AFG1L: variants seen among roughly 807,000 people sequenced by gnomAD.
The protein encoded by AFG1L is AFG1-like ATPase.
AFG1L carries 53 observed loss-of-function variants against 62.2 expected under a neutral mutation model. The ratio of observed to expected loss-of-function variants is 0.85; its 90% CI spans 0.68 to 1.07. The LOEUF is 1.07. AFG1L is among the 50% of genes least tolerant of loss of function. The pLI is 0.00. For missense variants in AFG1L, 555 were observed against 590.5 expected, an observed-to-expected ratio of 0.94 and a Z score of 0.62; for synonymous variants, 228 against 210.3, an observed-to-expected ratio of 1.08 and a Z score of -0.73.
At chr6:108,415,752 C>T (rs1486877390) in intron 7 of AFG1L, among the ~76,000 whole-genome samples, 1 of 152,152 alleles carries the variant, frequency 6.6e-6, no homozygotes, top group Non-Finnish European at 1.5e-5. Flanking sequence ...CTTCCTTACA[C>T]CTTATACAAC....
At chr6:108,339,873 G>A (rs1013914563) in intron 2 of AFG1L, among the ~76,000 whole-genome samples, 7 of 151,996 alleles carry the variant, frequency 4.6e-5, no homozygotes, top group African/African-American at 9.7e-5. Flanking sequence ...TGGGATATCC[G>A]GCCTCTCAAA....
At chr6:108,378,997 C>G (rs1582473908) in intron 6 of AFG1L, among the ~76,000 whole-genome samples, 2 of 138,858 alleles carry the variant, frequency 1.4e-5, no homozygotes, top group African/African-American at 5.6e-5. Flanking sequence ...CCTTCTCCTT[C>G]TTCTTTTTTT....
intron 6 of AFG1L, among the ~76,000 whole-genome samples, chr6:108,399,437 C>T (rs574565833): frequency 2.0e-4 from 30 of 151,956 alleles, no homozygotes; most frequent in Non-Finnish European, 3.7e-4. Context: ...CTGCCTGCCT[C>T]GACCTCCCAA....
chr6:108,476,765 CTT>C (rs533673486), intron 8 of AFG1L, 98 bp from the exon 9 acceptor site: 4 of 745,846 alleles, frequency 5.4e-6, no homozygotes, highest in South Asian at 5.0e-5. Context: ...ACATCCTGTT[CTT>C]TTTTTTTATG....
chr6:108,495,733 T>C (rs1773951433), intron 10 of AFG1L, among the ~76,000 whole-genome samples: 1 of 152,228 alleles, frequency 6.6e-6, no homozygotes, highest in Non-Finnish European at 1.5e-5. Context: ...AAATACTCTT[T>C]GCAAAGTCAT....
At chr6:108,427,796 A>G (rs575880309) in intron 7 of AFG1L, among the ~76,000 whole-genome samples, 120 of 152,298 alleles carry the variant, frequency 7.9e-4, no homozygotes, top group African/African-American at 2.9e-3. Flanking sequence ...TGCTGGGATT[A>G]CAGGCGTGAG....
intron 10 of AFG1L, among the ~76,000 whole-genome samples, chr6:108,487,391 G>T (rs893818338): frequency 1.3e-5 from 2 of 152,310 alleles, no homozygotes; most frequent in Admixed American, 6.5e-5. Context: ...ACCAAAAAAA[G>T]ATACTATTTT....
chr6:108,300,152 G>A (rs1776925369), intron 1 of AFG1L, among the ~76,000 whole-genome samples: 2 of 146,042 alleles, frequency 1.4e-5, no homozygotes, highest in Admixed American at 1.3e-4. Context: ...TCCCTATTAG[G>A]GTTTTTTTTT....
chr6:108,394,732 G>A (rs1370137346), intron 6 of AFG1L, among the ~76,000 whole-genome samples: 1 of 152,108 alleles, frequency 6.6e-6, no homozygotes, highest in East Asian at 1.9e-4. Flanking sequence ...CCTGATGATG[G>A]ATATTTAGAT....
intron 6 of AFG1L, among the ~76,000 whole-genome samples, chr6:108,382,557 AC>A (rs1780595325): frequency 6.6e-6 from 1 of 152,202 alleles, no homozygotes; most frequent in Non-Finnish European, 1.5e-5. Flanking sequence ...TTAAAGGCCG[AC>A]AAAGCATTTG....
chr6:108,351,293 T>C (rs1328111283), intron 3 of AFG1L, among the ~76,000 whole-genome samples: 6 of 152,242 alleles, frequency 3.9e-5, no homozygotes, highest in Admixed American at 1.3e-4. Flanking sequence ...CACTAAGTGA[T>C]AGAAGTTTTT....
At chr6:108,299,332 G>A (rs1776892360) in intron 1 of AFG1L, among the ~76,000 whole-genome samples, 1 of 151,894 alleles carries the variant, frequency 6.6e-6, no homozygotes, top group Admixed American at 6.6e-5. Flanking sequence ...AGGGAGGAGT[G>A]AAGGTAAATT....
At chr6:108,454,839 G>C (rs1455132720) in intron 8 of AFG1L, among the ~76,000 whole-genome samples, 2 of 152,082 alleles carry the variant, frequency 1.3e-5, no homozygotes, top group East Asian at 3.9e-4. Context: ...TTTTAGTAGA[G>C]CTGGGGTTTC....
intron 1 of AFG1L, among the ~76,000 whole-genome samples, chr6:108,297,936 A>T (rs997084029): frequency 1.3e-5 from 2 of 151,682 alleles, no homozygotes; most frequent in East Asian, 3.9e-4. Flanking sequence ...CTTGAGAGGC[A>T]TATGGAATTA....
chr6:108,483,555 A>G (rs112202079), intron 10 of AFG1L, among the ~76,000 whole-genome samples: 4,339 of 152,290 alleles, frequency 0.028, 95 homozygotes, highest in Middle Eastern at 0.085. Flanking sequence ...CTAGACCTGA[A>G]TTTTCCTTGT....
chr6:108,370,462 G>C (rs964921238), intron 6 of AFG1L, among the ~76,000 whole-genome samples: 5 of 151,910 alleles, frequency 3.3e-5, no homozygotes, highest in Non-Finnish European at 7.4e-5. Context: ...AGACATTTTT[G>C]GTTGTCTCAC....
intron 7 of AFG1L, among the ~76,000 whole-genome samples, chr6:108,436,672 T>A (rs531772500): frequency 8.5e-5 from 13 of 152,194 alleles, no homozygotes; most frequent in Non-Finnish European, 1.8e-4. Flanking sequence ...GAGCATATCA[T>A]GGGCTGTGAT....
chr6:108,366,564 T>C (rs1377029042), intron 6 of AFG1L, among the ~76,000 whole-genome samples: 3 of 69,414 alleles, frequency 4.3e-5, no homozygotes, highest in African/African-American at 8.6e-5. Context: ...CTTGCTGTTT[T>C]TTTGTTTTTT....
chr6:108,413,397 C>T (rs1404323237), intron 7 of AFG1L, among the ~76,000 whole-genome samples: 1 of 152,228 alleles, frequency 6.6e-6, no homozygotes, highest in Admixed American at 6.5e-5. Context: ...GAACTGAACT[C>T]AGCTCTGCAC....
Sources: gnomAD v4.1 joint callset for allele counts (sites outside exome capture counted in the v4.1 genomes callset) on GRCh38, gnomAD v4.1.1 for gene constraint, MANE v1.5 for transcripts, NCBI Gene and HGNC (gene_info 2026-07-23, HGNC 2026-07-21) for gene names.